Variants in DHRSX observed in about 807,000 individuals in gnomAD.
DHRSX encodes the protein polyprenol dehydrogenase.
Under a neutral mutation model 34.0 loss-of-function variants are expected in DHRSX, and 31 were observed. The observed-to-expected ratio is 0.91, with a 90% CI of 0.69 to 1.23. DHRSX has a LOEUF of 1.23. DHRSX is among the 50% of genes most tolerant of loss of function. The pLI, the probability that DHRSX is intolerant of heterozygous loss-of-function variation, is 0.00. For missense variants in DHRSX, 414 were observed against 428.1 expected (o/e 0.97, Z 0.29); for synonymous variants, 201 against 183.8 (o/e 1.09, Z -0.76).
At chrX:2,276,670 A>C (rs780681900) in intron 4 of DHRSX, among the ~76,000 whole-genome samples, 1 of 151,854 alleles carries the variant, frequency 6.6e-6, no homozygotes, top group Admixed American at 6.6e-5. Context: ...GAGAAGGGAG[A>C]GTTCTCCGCT....
chrX:2,250,211 G>A lies in DHRSX; in HGVS notation c.597-6981C>T, dbSNP rs780354686. Among the ~76,000 whole-genome samples, 3 of 151,752 alleles carry A rather than the reference G, an allele frequency of 2.0e-5. No individual in the cohort carries two copies. The East Asian group carries it at 5.8e-4, about 29-fold the overall frequency. ...GCATTGATTCAAAAAGTCTTTTCTGGCTGGGTGCAGTGGCTCACATCTGTA... is the reference window on the plus strand; with the variant it reads ...GCATTGATTCAAAAAGTCTTTTCTGACTGGGTGCAGTGGCTCACATCTGTA... On this transcript the variant is annotated intron_variant, in intron 5 of 6. Coordinates refer to ENST00000334651, the MANE Select transcript of DHRSX (RefSeq NM_145177.3).
At chrX:2,252,906 C>T (rs941000642) in intron 5 of DHRSX, among the ~76,000 whole-genome samples, 30 of 152,152 alleles carry the variant, frequency 2.0e-4, no homozygotes, top group African/African-American at 7.2e-4. Context: ...GGTATTAGGC[C>T]GGGAGTGGTG....
At chrX:2,421,911 G>C (rs4892861) in intron 2 of DHRSX, among the ~76,000 whole-genome samples, 122,692 of 152,152 alleles carry the variant, frequency 0.81, 50,049 homozygotes, top group East Asian at 0.94. Flanking sequence ...TTATCTGCAT[G>C]TCAACTTCAT....
Position 2,385,722 on chromosome X carries a change from AT to A in DHRSX, c.286+23022del, listed in dbSNP as rs955443695. Among the ~76,000 whole-genome samples the A allele has an allele frequency of 7.4e-3, 1,112 of 150,620 alleles. 37 individuals are homozygous for A. Among genetic ancestry groups the A allele is most frequent in the Non-Finnish European group, 1.3e-3 (89 of 67,484 alleles). ...ATGAGTTGCAACTAAGTCAGGAGTA[AT>A]TTTTTTTTTAACCTGGAAGTCTATT... On this transcript the variant is annotated intron_variant, in intron 3 of 6. Coordinates refer to ENST00000334651, the MANE Select transcript of DHRSX (RefSeq NM_145177.3).
chrX:2,383,411 TCATCATCAC>T (rs1304844466), intron 3 of DHRSX, among the ~76,000 whole-genome samples: 1 of 151,794 alleles, frequency 6.6e-6, no homozygotes, highest in Non-Finnish European at 1.5e-5. Flanking sequence ...ACCATCATCA[TCATCATCAC>T]CATCATCACA....
At chrX:2,232,092 A>C (rs2015908044) in intron 6 of DHRSX, among the ~76,000 whole-genome samples, 2 of 113,226 alleles carry the variant, frequency 1.8e-5, no homozygotes, top group African/African-American at 6.8e-5. Context: ...CCTTTTCCTC[A>C]TCTTCCTTTT....
chrX:2,340,539 A>G (rs1486885652), intron 3 of DHRSX, among the ~76,000 whole-genome samples: 1 of 152,018 alleles, frequency 6.6e-6, no homozygotes, highest in East Asian at 1.9e-4. Flanking sequence ...CCATCAAGGT[A>G]CATACACACG....
chrX:2,346,670 A>G (rs1424900140), intron 3 of DHRSX, among the ~76,000 whole-genome samples: 1 of 136,370 alleles, frequency 7.3e-6, no homozygotes, highest in Non-Finnish European at 1.5e-5. Flanking sequence ...TTGTTGTTTA[A>G]TACTTTAAGT....
At chrX:2,415,262 A>G (rs2043679414) in intron 2 of DHRSX, among the ~76,000 whole-genome samples, 1 of 151,968 alleles carries the variant, frequency 6.6e-6, no homozygotes, top group South Asian at 2.1e-4. Flanking sequence ...ACTAGATCTC[A>G]TCATGACCTA....
In DHRSX at chrX:2,291,724, C is replaced by G. The variant is rs955381095; in HGVS notation, c.287-121G>C. ...GGAAGTAACACTTTTTTTTTTTCTG[C>G]TCTTTTTGAGATGGAGTCTCGCTCT... On this transcript the variant is annotated intron_variant, in intron 3 of 6. Coordinates refer to ENST00000334651, the MANE Select transcript of DHRSX (RefSeq NM_145177.3). 5 of 735,028 alleles carry G rather than the reference C, an allele frequency of 6.8e-6. No homozygotes were observed. In the African/African-American group the frequency reaches 8.8e-5, roughly 13 times the overall value. 45.5% of individuals were successfully genotyped at this position (735,028 alleles called of 1,614,324 possible).
intron 6 of DHRSX, among the ~76,000 whole-genome samples, chrX:2,239,958 A>T (rs2016102596): frequency 6.6e-6 from 1 of 152,140 alleles, no homozygotes; most frequent in African/African-American, 2.4e-5. Flanking sequence ...TTGAGGAATT[A>T]GAGATGTGAA....
chrX:2,475,754 G>C (rs1304247457), intron 1 of DHRSX, among the ~76,000 whole-genome samples: 6 of 152,172 alleles, frequency 3.9e-5, no homozygotes, highest in African/African-American at 1.4e-4. Flanking sequence ...GGAATGCACT[G>C]AAGACCTTCC....
intron 1 of DHRSX, among the ~76,000 whole-genome samples, chrX:2,431,293 C>G (rs913898501): frequency 2.7e-5 from 4 of 146,918 alleles, no homozygotes; most frequent in Admixed American, 2.1e-4. Flanking sequence ...CCACTGCACT[C>G]CAGCCTGGGC....
intron 1 of DHRSX, among the ~76,000 whole-genome samples, chrX:2,428,308 A>G (rs1013149211): frequency 1.3e-5 from 2 of 152,192 alleles, no homozygotes; most frequent in Admixed American, 6.6e-5. Context: ...TTCCACTATA[A>G]CGACACACAC....
intron 6 of DHRSX, among the ~76,000 whole-genome samples, chrX:2,224,796 A>G (rs2015603256): frequency 6.6e-6 from 1 of 151,534 alleles, no homozygotes; most frequent in African/African-American, 2.4e-5. Context: ...ACACATGCTC[A>G]TTTACATGTA....
chrX:2,485,636 AGAGGGAAGGAGG>A (rs2044875693), intron 1 of DHRSX, among the ~76,000 whole-genome samples: 1 of 67,450 alleles, frequency 1.5e-5, no homozygotes, highest in African/African-American at 7.0e-5. Context: ...GGGAGGGAGG[AGAGGGAAGGAGG>A]GAGGGAGGGA....
intron 3 of DHRSX, among the ~76,000 whole-genome samples, chrX:2,293,372 G>A (rs1487703843): frequency 2.0e-5 from 3 of 151,846 alleles, no homozygotes; most frequent in African/African-American, 7.3e-5. Flanking sequence ...GAGGTTGGGA[G>A]AACAATGCAA....
intron 3 of DHRSX, among the ~76,000 whole-genome samples, chrX:2,303,067 G>C (rs1227441038): frequency 6.6e-6 from 1 of 152,108 alleles, no homozygotes; most frequent in Admixed American, 6.6e-5. Flanking sequence ...GCTAATAATT[G>C]GAACCAGTGA....
intron 1 of DHRSX, among the ~76,000 whole-genome samples, chrX:2,446,985 A>C (rs1034851695): frequency 2.6e-5 from 4 of 151,742 alleles, no homozygotes; most frequent in African/African-American, 9.7e-5. Context: ...AATGCAGCCA[A>C]GGGACGGCAC....
Sources: allele counts gnomAD v4.1 joint callset (sites outside exome capture counted in the v4.1 genomes callset), GRCh38; gene constraint gnomAD v4.1.1; transcripts MANE v1.5; gene names NCBI Gene and HGNC (gene_info 2026-07-23, HGNC 2026-07-21).